The following IMMP2L variants were observed in gnomAD, a reference collection of about 807,000 sequenced individuals.
IMMP2L encodes the protein inner mitochondrial membrane peptidase subunit 2.
A neutral mutation model predicts 19.3 loss-of-function variants in IMMP2L; 18 were observed. That is an observed-to-expected ratio of 0.93 (90% confidence interval 0.64 to 1.38). The LOEUF (loss-of-function observed/expected upper bound fraction) is 1.38, where lower values mean the gene tolerates loss of function less well. Ranked by LOEUF, IMMP2L falls within the 40% of genes most tolerant of loss-of-function variation. IMMP2L has a pLI of 0.00. For missense variants in IMMP2L, 233 were observed against 218.2 expected (o/e 1.07, Z -0.43); for synonymous variants, 76 against 73.0 (o/e 1.04, Z -0.21).
chr7:111,030,911 T>A (rs1406418484), intron 3 of IMMP2L, among the ~76,000 whole-genome samples: 5 of 53,070 alleles, frequency 9.4e-5, no homozygotes, highest in South Asian at 4.0e-4. Flanking sequence ...TATATATATA[T>A]ATATATATAT....
At chr7:111,445,712 G>A (rs563865370) in intron 3 of IMMP2L, among the ~76,000 whole-genome samples, 49 of 152,294 alleles carry the variant, frequency 3.2e-4, no homozygotes, top group African/African-American at 1.1e-3. Context: ...AGCCAAGATG[G>A]CCGAATAGGA....
intron 5 of IMMP2L, among the ~76,000 whole-genome samples, chr7:110,815,524 T>C (rs1385800253): frequency 1.3e-5 from 2 of 152,154 alleles, no homozygotes; most frequent in African/African-American, 4.8e-5. Flanking sequence ...TTGATTGGAA[T>C]AGTTTCAGAA....
chr7:111,035,405 T>A (rs1006299430), intron 3 of IMMP2L, among the ~76,000 whole-genome samples: 1 of 152,156 alleles, frequency 6.6e-6, no homozygotes, highest in Non-Finnish European at 1.5e-5. Context: ...ATGGACAACA[T>A]AACCTAGTAG....
chr7:111,364,450 C>T (rs1427276399), intron 3 of IMMP2L, among the ~76,000 whole-genome samples: 2 of 151,790 alleles, frequency 1.3e-5, no homozygotes, highest in Non-Finnish European at 2.9e-5. Flanking sequence ...GTCACAGTTC[C>T]TTTATTAATA....
intron 5 of IMMP2L, among the ~76,000 whole-genome samples, chr7:110,863,150 A>G (rs1256350024): frequency 2.0e-5 from 3 of 152,106 alleles, no homozygotes; most frequent in Non-Finnish European, 1.5e-5. Flanking sequence ...AAGCAGGGTA[A>G]CATTTCAGAC....
chr7:111,262,670 G>C (rs987949987), intron 3 of IMMP2L, among the ~76,000 whole-genome samples: 2 of 152,132 alleles, frequency 1.3e-5, no homozygotes, highest in Non-Finnish European at 2.9e-5. Flanking sequence ...TATCTCCCTA[G>C]ATAATATTTT....
chr7:111,282,247 C>T (rs1047392878), intron 3 of IMMP2L, among the ~76,000 whole-genome samples: 3 of 152,106 alleles, frequency 2.0e-5, no homozygotes, highest in African/African-American at 4.8e-5. Flanking sequence ...TCTGGTCTCC[C>T]GTGAAACTGG....
chr7:110,670,708 A>C lies in IMMP2L; in HGVS notation c.409-6987T>G, dbSNP rs921236973. Among the ~76,000 whole-genome samples the C allele has an allele frequency of 3.4e-5, 5 of 148,612 alleles. No individual in the cohort carries two copies. In the East Asian group the frequency reaches 7.8e-4, roughly 23 times the overall value. ...CCGTCTCAAAAAAAAAAAAAAACAA[A>C]AAAAACAAAAAAAACCCCTAAACAA... is the stretch of plus-strand genomic sequence containing the variant. On this transcript the variant is annotated intron_variant, in intron 5 of 5. Transcript: ENST00000405709.
intron 1 of IMMP2L, among the ~76,000 whole-genome samples, chr7:111,550,715 A>G (rs1849372825): frequency 6.6e-6 from 1 of 152,190 alleles, no homozygotes; most frequent in Non-Finnish European, 1.5e-5. Flanking sequence ...TTTAGTAGAA[A>G]GCATCCTTGG....
chr7:111,023,073 T>C (rs1826451108), intron 3 of IMMP2L, among the ~76,000 whole-genome samples: 1 of 152,168 alleles, frequency 6.6e-6, no homozygotes, highest in African/African-American at 2.4e-5. Flanking sequence ...CAGCATTCCA[T>C]GGTCACAGAA....
intron 3 of IMMP2L, among the ~76,000 whole-genome samples, chr7:111,311,534 T>C (rs551043514): frequency 2.5e-4 from 38 of 152,218 alleles, no homozygotes; most frequent in Non-Finnish European, 4.6e-4. Flanking sequence ...GAGATCACAC[T>C]GGGGACAACT....
chr7:111,404,759 A>G (rs757205706), intron 3 of IMMP2L, among the ~76,000 whole-genome samples: 2 of 152,062 alleles, frequency 1.3e-5, no homozygotes, highest in African/African-American at 2.4e-5. Flanking sequence ...ACAATTCCCT[A>G]AAGGAATGAT....
At chr7:111,486,835 T>C (rs1234844202) in intron 3 of IMMP2L, among the ~76,000 whole-genome samples, 5 of 152,126 alleles carry the variant, frequency 3.3e-5, no homozygotes, top group African/African-American at 1.2e-4. Flanking sequence ...TACATAAATG[T>C]CAATGATTTT....
intron 3 of IMMP2L, among the ~76,000 whole-genome samples, chr7:111,030,900 A>G (rs879560058): frequency 0.13 from 4,398 of 35,146 alleles, 122 homozygotes; most frequent in Non-Finnish European, 0.16. Context: ...ATATATATAT[A>G]TATATATATA....
intron 2 of IMMP2L, among the ~76,000 whole-genome samples, chr7:111,501,515 T>A (rs1221862842): frequency 3.3e-5 from 5 of 152,098 alleles, no homozygotes; most frequent in African/African-American, 1.2e-4. Flanking sequence ...CCAAGACACA[T>A]AACTGTCACA....
At chr7:110,904,401 T>C (rs1292552779) in intron 4 of IMMP2L, among the ~76,000 whole-genome samples, 1 of 152,238 alleles carries the variant, frequency 6.6e-6, no homozygotes. Flanking sequence ...CATTGAATTC[T>C]TTAATCCACT....
chr7:110,975,086 A>G (rs1414325693), intron 3 of IMMP2L, among the ~76,000 whole-genome samples: 2 of 152,134 alleles, frequency 1.3e-5, no homozygotes, highest in African/African-American at 4.8e-5. Context: ...CTATCTATTC[A>G]TAGTTACACT....
chr7:110,900,717 G>A (rs1811774329), intron 4 of IMMP2L, among the ~76,000 whole-genome samples: 1 of 152,184 alleles, frequency 6.6e-6, no homozygotes, highest in African/African-American at 2.4e-5. Flanking sequence ...ATTTTACGAT[G>A]TTGAGTAGTA....
chr7:111,039,177 G>A (rs892007244), intron 3 of IMMP2L, among the ~76,000 whole-genome samples: 10 of 152,006 alleles, frequency 6.6e-5, no homozygotes, highest in African/African-American at 9.7e-5. Context: ...CATCTGTTCC[G>A]ACCATCAATT....
Sources: allele counts gnomAD v4.1 joint callset (sites outside exome capture counted in the v4.1 genomes callset), GRCh38; gene constraint gnomAD v4.1.1; transcripts MANE v1.5; gene names NCBI Gene and HGNC (gene_info 2026-07-23, HGNC 2026-07-21).